SKAP2: variants seen among roughly 807,000 people sequenced by gnomAD.
SKAP2 encodes the protein src kinase-associated phosphoprotein 2.
A neutral mutation model predicts 54.9 loss-of-function variants in SKAP2; 28 were observed. The ratio of observed to expected loss-of-function variants is 0.51; its 90% confidence interval spans 0.38 to 0.70. The LOEUF (loss-of-function observed/expected upper bound fraction) is 0.70, where lower values mean the gene tolerates loss of function less well. SKAP2 is among the 30% of genes least tolerant of loss of function. The pLI, the probability that SKAP2 is intolerant of heterozygous loss-of-function variation, is 0.00. For synonymous variants in SKAP2, 137 were observed against 134.3 expected (o/e 1.02, Z -0.14); for missense variants, 356 against 424.1 (o/e 0.84, Z 1.41).
intron 11 of SKAP2, among the ~76,000 whole-genome samples, chr7:26,679,743 T>A (rs1786445203): frequency 6.6e-6 from 1 of 152,166 alleles, no homozygotes; most frequent in African/African-American, 2.4e-5. Flanking sequence ...CAACAAGACT[T>A]TCATTTCATT....
chr7:26,863,999 TTCATTA>T (rs1343957141), intron 1 of SKAP2, among the ~76,000 whole-genome samples: 4 of 150,312 alleles, frequency 2.7e-5, no homozygotes, highest in East Asian at 3.9e-4. Context: ...TCACGCAGCA[TTCATTA>T]TCATTATCAT....
intron 9 of SKAP2, among the ~76,000 whole-genome samples, chr7:26,710,006 C>T (rs1428160992): frequency 6.6e-6 from 1 of 152,162 alleles, no homozygotes; most frequent in Non-Finnish European, 1.5e-5. Flanking sequence ...CAATATACCA[C>T]TGATAGTATA....
chr7:26,745,922 G>T (rs977081088), intron 4 of SKAP2, among the ~76,000 whole-genome samples: 2 of 152,120 alleles, frequency 1.3e-5, no homozygotes, highest in Admixed American at 6.6e-5. Flanking sequence ...TTTCATGAAG[G>T]TGATACTCTC....
intron 1 of SKAP2, among the ~76,000 whole-genome samples, chr7:26,861,767 A>G (rs1338066946): frequency 1.3e-5 from 2 of 151,800 alleles, no homozygotes; most frequent in East Asian, 3.8e-4. Context: ...ATAAGAATAC[A>G]CTTGAGTACC....
intron 4 of SKAP2, among the ~76,000 whole-genome samples, chr7:26,826,240 T>G (rs7789225): frequency 0.039 from 5,917 of 152,266 alleles, 366 homozygotes; most frequent in African/African-American, 0.13. Flanking sequence ...GCTAACCTGG[T>G]AGAAATATCT....
intron 3 of SKAP2, among the ~76,000 whole-genome samples, chr7:26,848,433 C>T (rs773222886): frequency 3.9e-5 from 6 of 152,068 alleles, no homozygotes; most frequent in East Asian, 3.8e-4. Flanking sequence ...GTTCAATGTA[C>T]GCAAACTTTA....
chr7:26,701,014 T>G (rs1020495357), intron 9 of SKAP2, among the ~76,000 whole-genome samples: 2 of 152,190 alleles, frequency 1.3e-5, no homozygotes, highest in Non-Finnish European at 2.9e-5. Context: ...CTCCCCTTTG[T>G]GTTCTCACAG....
intron 4 of SKAP2, among the ~76,000 whole-genome samples, chr7:26,820,807 G>A (rs1004695775): frequency 6.6e-6 from 1 of 152,070 alleles, no homozygotes; most frequent in Non-Finnish European, 1.5e-5. Flanking sequence ...TTCAAACATG[G>A]ATAAAAATTC....
chr7:26,734,078 G>A (rs1787874632), intron 6 of SKAP2, among the ~76,000 whole-genome samples: 1 of 152,188 alleles, frequency 6.6e-6, no homozygotes, highest in African/African-American at 2.4e-5. Context: ...CCTTGGAGGG[G>A]TTGGTAATAA....
At chr7:26,792,511 A>C (rs1269989514) in intron 4 of SKAP2, among the ~76,000 whole-genome samples, 1 of 152,210 alleles carries the variant, frequency 6.6e-6, no homozygotes, top group East Asian at 1.9e-4. Context: ...GAACAAAAAA[A>C]CTTTTATTTG....
intron 3 of SKAP2, among the ~76,000 whole-genome samples, chr7:26,848,418 T>C (rs1326678705): frequency 1.3e-5 from 2 of 152,222 alleles, no homozygotes; most frequent in African/African-American, 4.8e-5. Flanking sequence ...CTTTGCTTTC[T>C]GATGGTTCAA....
chr7:26,710,654 A>G (rs1267003219), intron 9 of SKAP2, among the ~76,000 whole-genome samples: 1 of 152,210 alleles, frequency 6.6e-6, no homozygotes, highest in Non-Finnish European at 1.5e-5. Flanking sequence ...GTGAGATTTC[A>G]GCAAGACTGT....
chr7:26,778,266 T>C (rs779349029), intron 4 of SKAP2, among the ~76,000 whole-genome samples: 1 of 152,102 alleles, frequency 6.6e-6, no homozygotes, highest in Non-Finnish European at 1.5e-5. Flanking sequence ...CTAGGCTCCC[T>C]TGGGGAAATA....
intron 4 of SKAP2, among the ~76,000 whole-genome samples, chr7:26,833,357 C>T (rs564582877): frequency 6.7e-6 from 1 of 148,748 alleles, no homozygotes; most frequent in Admixed American, 6.8e-5. Context: ...GATCGCGCCA[C>T]TGCACCCCAG....
At chr7:26,765,503 T>C (rs980644501) in intron 4 of SKAP2, among the ~76,000 whole-genome samples, 14 of 152,240 alleles carry the variant, frequency 9.2e-5, no homozygotes, top group Admixed American at 9.2e-4. Flanking sequence ...TTGGCTTTTG[T>C]TGCCATTGCT....
intron 6 of SKAP2, among the ~76,000 whole-genome samples, chr7:26,728,933 G>A (rs77203719): frequency 0.027 from 4,049 of 151,962 alleles, 177 homozygotes; most frequent in African/African-American, 0.092. Context: ...CTCCAATTTC[G>A]GTCTAAAATT....
chr7:26,750,297 T>C (rs904816868), intron 4 of SKAP2, among the ~76,000 whole-genome samples: 1 of 147,300 alleles, frequency 6.8e-6, no homozygotes, highest in Admixed American at 7.0e-5. Context: ...CTAATAGATA[T>C]ACCTAATATA....
At chr7:26,674,387 A>C (rs1786307760) in intron 11 of SKAP2, among the ~76,000 whole-genome samples, 1 of 152,182 alleles carries the variant, frequency 6.6e-6, no homozygotes, top group African/African-American at 2.4e-5. Context: ...ACTTTCATCA[A>C]GGCTACCTCT....
intron 4 of SKAP2, among the ~76,000 whole-genome samples, chr7:26,807,287 C>A (rs1784048966): frequency 6.6e-6 from 1 of 152,242 alleles, no homozygotes; most frequent in East Asian, 1.9e-4. Context: ...AATCTCATCT[C>A]GAATTATAAT....
Sources: allele counts gnomAD v4.1 joint callset (sites outside exome capture counted in the v4.1 genomes callset), GRCh38; gene constraint gnomAD v4.1.1; transcripts MANE v1.5; gene names NCBI Gene and HGNC (gene_info 2026-07-23, HGNC 2026-07-21).